The following GLYATL2 variants were observed in gnomAD, a reference collection of about 807,000 sequenced individuals.
The protein encoded by GLYATL2 is glycine N-acyltransferase-like protein 2.
GLYATL2 carries 25 observed loss-of-function variants against 21.4 expected under a neutral mutation model. That is an observed-to-expected ratio of 1.17 (90% CI 0.85 to 1.63). GLYATL2 has a LOEUF of 1.63. Ranked by LOEUF, GLYATL2 falls within the 40% of genes most tolerant of loss-of-function variation. The pLI, the probability that GLYATL2 is intolerant of heterozygous loss-of-function variation, is 0.00. For synonymous variants in GLYATL2, 114 were observed against 118.2 expected, an observed-to-expected ratio of 0.96 and a Z score of 0.23; for missense variants, 361 against 343.3, an observed-to-expected ratio of 1.05 and a Z score of -0.41.
intron 1 of GLYATL2, among the ~76,000 whole-genome samples, chr11:58,896,593 C>T (rs750198967): frequency 6.6e-5 from 10 of 152,174 alleles, no homozygotes; most frequent in African/African-American, 2.4e-4. Flanking sequence ...ATGAATGCCA[C>T]GGCTGCCACC....
chr11:58,901,847 T>C (rs1222663703), intron 1 of GLYATL2, among the ~76,000 whole-genome samples: 1 of 152,172 alleles, frequency 6.6e-6, no homozygotes, highest in African/African-American at 2.4e-5. Context: ...AACTAAATCT[T>C]GATCACTCTA....
intron 1 of GLYATL2, among the ~76,000 whole-genome samples, chr11:58,873,420 G>T (rs1235661205): frequency 6.6e-6 from 1 of 152,118 alleles, no homozygotes; most frequent in African/African-American, 2.4e-5. Context: ...TTGGCTGTGG[G>T]CTTGTCATAG....
chr11:58,907,678 T>G (rs2134639778), upstream of GLYATL2: 1 of 196,162 alleles, frequency 5.1e-6, no homozygotes, highest in South Asian at 9.5e-5. Flanking sequence ...AAATACTTCC[T>G]GATTTTTGAC....
chr11:58,873,974 G>T (rs1043579094), intron 1 of GLYATL2, among the ~76,000 whole-genome samples: 2 of 152,158 alleles, frequency 1.3e-5, no homozygotes, highest in African/African-American at 2.4e-5. Flanking sequence ...GGGTGTTATT[G>T]GTCTATTGAG....
chr11:58,837,322 C>G lies in GLYATL2; in HGVS notation c.262G>C (p.Val88Leu), dbSNP rs1853454464. 6.2e-7 allele frequency: 1 copy of G among 1,613,838 alleles called. No homozygotes were observed. Among genetic ancestry groups the G allele is most frequent in the Non-Finnish European group, 8.5e-7 (1 of 1,179,858 alleles). The change falls in exon 4 of 6, where the codon GTC (valine) becomes CTC (leucine). Residue 88 changes from valine to leucine, a missense_variant. Val to Leu is a conservative substitution (Grantham distance 32). Coordinates refer to ENST00000287275, the MANE Select transcript of GLYATL2 (RefSeq NM_145016.4). ...FTKAPDKLEEVLSYSNVISWE... is the reference protein window; with the variant it reads ...FTKAPDKLEELLSYSNVISWE... The stretch of plus-strand genomic sequence containing the variant: ...CTGATTACATTGGAGTATGACAGGA[C>G]TTCCTCTAATTTGTCAGGAGCTTTG...
Position 58,894,108 on chromosome 11 carries a change from C to G in GLYATL2, n.60+10048G>C, listed in dbSNP as rs147154574. ...CCTTTCTCCTACTCTTTCTTACTTC[C>G]TCGTCATTAGTGAAGCACAGCACAG... On this transcript the variant is annotated intron_variant and non_coding_transcript_variant, in intron 1 of 4. Transcript: ENST00000533636. 2.1e-3 allele frequency among the ~76,000 whole-genome samples: 322 copies of G among 152,236 alleles called. 1 individual carries two copies. The highest frequency in any genetic ancestry group is 3.7e-3 in the Non-Finnish European group (252 of 68,012).
At chr11:58,841,084 G>A (rs1853542955) in intron 1 of GLYATL2, among the ~76,000 whole-genome samples, 1 of 151,866 alleles carries the variant, frequency 6.6e-6, no homozygotes, top group African/African-American at 2.4e-5. Context: ...GATACTTGAA[G>A]ACAATATATA....
intron 1 of GLYATL2, among the ~76,000 whole-genome samples, chr11:58,842,129 C>A: frequency 6.6e-6 from 1 of 152,074 alleles, no homozygotes; most frequent in Admixed American, 6.5e-5. Context: ...ATTCATTGAC[C>A]TTATATACAA....
intron 1 of GLYATL2, among the ~76,000 whole-genome samples, chr11:58,890,194 G>A (rs1854516320): frequency 6.6e-6 from 1 of 152,146 alleles, no homozygotes; most frequent in Non-Finnish European, 1.5e-5. Flanking sequence ...GTGAGAACAT[G>A]TGATATTTAG....
intron 3 of GLYATL2, 120 bp from the exon 4 acceptor site, chr11:58,837,517 T>A: frequency 1.1e-6 from 1 of 941,220 alleles, no homozygotes; most frequent in Non-Finnish European, 1.6e-6. Context: ...GAGACAGGTG[T>A]AGAAAATGGC....
At chr11:58,842,203 C>G (rs188711832) in intron 1 of GLYATL2, among the ~76,000 whole-genome samples, 4 of 152,216 alleles carry the variant, frequency 2.6e-5, no homozygotes, top group Admixed American at 2.6e-4. Context: ...TGATAATTCT[C>G]AGCATACTTG....
At position 58,875,855 on chromosome 11, in the gene GLYATL2, A is replaced by C. The variant is rs866315722; in HGVS notation, n.60+28301T>G. Among the ~76,000 whole-genome samples the C allele has an allele frequency of 8.0e-4, 122 of 152,336 alleles. 1 individual carries two copies. The highest frequency in any genetic ancestry group is 3.5e-3 in the South Asian group (17 of 4,830). On this transcript the variant is annotated intron_variant and non_coding_transcript_variant, in intron 1 of 4. Coordinates refer to the GLYATL2 transcript ENST00000533636. ...TTGGCCTGCCTTGCTGGATTGGGGA[A>C]GTTCTCCTGGATAATATCCTGCAGA...
intron 1 of GLYATL2, among the ~76,000 whole-genome samples, chr11:58,903,666 CTG>C: frequency 6.6e-6 from 1 of 152,214 alleles, no homozygotes; most frequent in East Asian, 1.9e-4. Context: ...AAACAAGACT[CTG>C]TCTCAAAAAA....
At chr11:58,837,431 C>T (rs373698887) in intron 3 of GLYATL2, 34 bp from the exon 4 acceptor site, 88 of 1,594,236 alleles carry the variant, frequency 5.5e-5, no homozygotes, top group Admixed American at 1.2e-4. Context: ...ATTTACATAG[C>T]GCTACAATTT....
intron 2 of GLYATL2, among the ~76,000 whole-genome samples, chr11:58,838,823 A>T (rs963049934): frequency 6.6e-6 from 1 of 152,178 alleles, no homozygotes; most frequent in East Asian, 1.9e-4. Flanking sequence ...TCTGAGAGAT[A>T]TATGTATATG....
chr11:58,885,438 A>G (rs771615471), intron 1 of GLYATL2: 15 of 491,642 alleles, frequency 3.1e-5, no homozygotes, highest in Non-Finnish European at 6.1e-5. Flanking sequence ...CTTCATATAT[A>G]TGGCTGTGTG....
intron 1 of GLYATL2, chr11:58,840,706 G>C (rs1299327804): frequency 1.3e-5 from 2 of 151,986 alleles, no homozygotes; most frequent in Admixed American, 1.3e-4. Flanking sequence ...GGGTGTGGTG[G>C]TGAGTGTCAG....
At chr11:58,893,075 G>A (rs577551118) in intron 1 of GLYATL2, 18 of 396,222 alleles carry the variant, frequency 4.5e-5, no homozygotes, top group African/African-American at 3.6e-4. Flanking sequence ...GCCAAGCTGG[G>A]TGTCTCTTAT....
At chr11:58,905,747 TGGG>T, upstream of GLYATL2, 4 of 5,290 alleles carry the variant, frequency 7.6e-4, no homozygotes, top group South Asian at 3.6e-3. Context: ...ATAGGGAGGG[TGGG>T]CGGGTGGGCG....
Sources: allele counts gnomAD v4.1 joint callset (sites outside exome capture counted in the v4.1 genomes callset), GRCh38; gene constraint gnomAD v4.1.1; transcripts MANE v1.5; gene names NCBI Gene and HGNC (gene_info 2026-07-23, HGNC 2026-07-21).